HECW2: variants seen among roughly 807,000 people sequenced by gnomAD.
HECW2 encodes the protein E3 ubiquitin-protein ligase HECW2.
In HECW2, 61 loss-of-function variants were observed where a neutral mutation model predicts 175.2. The observed-to-expected ratio is 0.35, with a 90% CI of 0.28 to 0.43. HECW2 has a LOEUF of 0.43. Among genes scored for constraint, HECW2 ranks in the 20% least tolerant of loss-of-function variants. The probability of loss-of-function intolerance (pLI) is 1.00; values close to 1 mark genes in which losing one functional copy is unlikely to be tolerated. For synonymous variants in HECW2, 671 were observed against 731.0 expected (o/e 0.92, Z 1.32); for missense variants, 1,524 against 2,000.5 (o/e 0.76, Z 4.54).
chr2:196,486,196 A>G (rs1170516812), intron 1 of HECW2, among the ~76,000 whole-genome samples: 1 of 152,218 alleles, frequency 6.6e-6, no homozygotes, highest in Non-Finnish European at 1.5e-5. Flanking sequence ...AGAAGGGCAA[A>G]GAGCAATTCT....
At chr2:196,444,276 G>A (rs897365603) in intron 1 of HECW2, among the ~76,000 whole-genome samples, 4 of 78,068 alleles carry the variant, frequency 5.1e-5, no homozygotes, top group Non-Finnish European at 9.6e-5. Flanking sequence ...TGGCTGAAGC[G>A]CATTAGGTGG....
At chr2:196,447,425 T>C (rs927117147) in intron 1 of HECW2, among the ~76,000 whole-genome samples, 3 of 152,124 alleles carry the variant, frequency 2.0e-5, no homozygotes, top group African/African-American at 7.2e-5. Context: ...TCACTGAATG[T>C]TAGATGTTCC....
At chr2:196,348,787 A>C (rs1432377539) in intron 2 of HECW2, among the ~76,000 whole-genome samples, 1 of 152,222 alleles carries the variant, frequency 6.6e-6, no homozygotes, top group Non-Finnish European at 1.5e-5. Context: ...ATAGAATGCC[A>C]CTGGTCTTTA....
chr2:196,207,740 G>T (rs1170216608), intron 28 of HECW2, among the ~76,000 whole-genome samples: 2 of 152,224 alleles, frequency 1.3e-5, no homozygotes, highest in African/African-American at 4.8e-5. Context: ...GCCATGAGGA[G>T]TATCTATAGA....
At chr2:196,315,709 C>T (rs1691670239) in intron 10 of HECW2, 1 of 152,118 alleles carries the variant, frequency 6.6e-6, no homozygotes, top group African/African-American at 2.4e-5. Flanking sequence ...TTAAACAATA[C>T]ATTGAGATGT....
intron 1 of HECW2, among the ~76,000 whole-genome samples, chr2:196,471,260 A>T (rs1697185922): frequency 6.6e-6 from 1 of 152,232 alleles, no homozygotes; most frequent in Non-Finnish European, 1.5e-5. Context: ...TCAAAACTAC[A>T]GTGAGATACC....
At chr2:196,338,502 A>G (rs1692633448) in intron 3 of HECW2, among the ~76,000 whole-genome samples, 1 of 152,224 alleles carries the variant, frequency 6.6e-6, no homozygotes. Flanking sequence ...TATTAACCCT[A>G]GGCATTTATA....
At position 196,422,314 on chromosome 2, in the gene HECW2, C is replaced by A. The variant is rs180977102; in HGVS notation, c.292+10818G>T. ...TTCTATGCATTTCCCAGTCCCCTTG[C>A]AGTTAGACAAAATTTTGCTACCAAT... is the stretch of plus-strand genomic sequence containing the variant. On this transcript the variant is annotated intron_variant, in intron 2 of 28. Coordinates refer to ENST00000644978, the MANE Select transcript of HECW2 (RefSeq NM_001348768.2). Among the ~76,000 whole-genome samples, 28 of 152,230 alleles carry A rather than the reference C, an allele frequency of 1.8e-4. No individual in the cohort carries two copies. In the East Asian group the frequency reaches 5.4e-3, roughly 29 times the overall value.
intron 1 of HECW2, among the ~76,000 whole-genome samples, chr2:196,529,061 T>C (rs537112686): frequency 4.8e-4 from 73 of 152,336 alleles, no homozygotes; most frequent in South Asian, 2.9e-3. Context: ...CTGAAGCTTA[T>C]AACCACATGC....
chr2:196,355,401 T>G (rs1054839225), intron 2 of HECW2, among the ~76,000 whole-genome samples: 1 of 152,180 alleles, frequency 6.6e-6, no homozygotes, highest in Non-Finnish European at 1.5e-5. Flanking sequence ...TAGCACAAGA[T>G]CCAACATTAG....
intron 13 of HECW2, among the ~76,000 whole-genome samples, chr2:196,305,766 G>T (rs1239264612): frequency 2.6e-5 from 4 of 151,982 alleles, no homozygotes; most frequent in Non-Finnish European, 4.4e-5. Context: ...AATCCTTTTT[G>T]TCTATTTTCT....
chr2:196,359,887 G>A (rs537315546), intron 2 of HECW2, among the ~76,000 whole-genome samples: 1 of 152,312 alleles, frequency 6.6e-6, no homozygotes, highest in Non-Finnish European at 1.5e-5. Context: ...AGGATTGCTT[G>A]ACGCTATGAG....
At chr2:196,402,087 G>A (rs949489961) in intron 2 of HECW2, among the ~76,000 whole-genome samples, 1 of 150,766 alleles carries the variant, frequency 6.6e-6, no homozygotes, top group Non-Finnish European at 1.5e-5. Context: ...TGTAGTCCCA[G>A]CTACTCGGGA....
In HECW2 at chr2:196,307,940, G is replaced by A; in HGVS notation, c.2580C>T (p.Asn860=). 6.5e-7 allele frequency: 1 copy of A among 1,540,878 alleles called. No homozygotes were observed. Among genetic ancestry groups the A allele is most frequent in the South Asian group, 1.2e-5 (1 of 81,930 alleles). The change falls in exon 11 of 29, where the codon AAC becomes AAT. Residue 860 remains asparagine, a synonymous_variant. Transcript: ENST00000644978. ...SNSIQQMEQL[N]RRYQSIRRTM... is the part of the protein sequence containing the mutation. ...AGCAAAATGTTCATCCTCACCGCCG[G>A]TTCAGCTGCTCCATTTGCTGTATGG...
At chr2:196,469,338 T>C (rs1697102953) in intron 1 of HECW2, among the ~76,000 whole-genome samples, 1 of 152,042 alleles carries the variant, frequency 6.6e-6, no homozygotes, top group African/African-American at 2.4e-5. Flanking sequence ...GTGTTATATA[T>C]TTTAAAAATG....
chr2:196,242,835 G>A (rs1252845508), intron 19 of HECW2: 1 of 152,242 alleles, frequency 6.6e-6, no homozygotes, highest in East Asian at 1.9e-4. Flanking sequence ...TGAGATTACA[G>A]GTGCCTGCCA....
intron 1 of HECW2, among the ~76,000 whole-genome samples, chr2:196,546,380 T>A (rs1047670814): frequency 6.6e-6 from 1 of 152,254 alleles, no homozygotes; most frequent in African/African-American, 2.4e-5. Context: ...GTCTAGCAGA[T>A]GCTCTGTAAA....
intron 2 of HECW2, among the ~76,000 whole-genome samples, chr2:196,384,998 C>T (rs1001542074): frequency 3.0e-4 from 46 of 152,096 alleles, no homozygotes; most frequent in African/African-American, 1.1e-3. Context: ...CTCACTGCAG[C>T]CTCCAATTCC....
At chr2:196,436,459 G>A (rs1039838110) in intron 1 of HECW2, among the ~76,000 whole-genome samples, 10 of 150,084 alleles carry the variant, frequency 6.7e-5, no homozygotes, top group East Asian at 3.9e-4. Flanking sequence ...TGGGTTCATC[G>A]TTCATGCAAA....
Sources: gnomAD v4.1 joint callset for allele counts (sites outside exome capture counted in the v4.1 genomes callset) on GRCh38, gnomAD v4.1.1 for gene constraint, MANE v1.5 for transcripts, NCBI Gene and HGNC (gene_info 2026-07-23, HGNC 2026-07-21) for gene names.